The following EYA1 variants were observed in gnomAD, a reference collection of about 807,000 sequenced individuals.
The protein encoded by EYA1 is EYA transcriptional coactivator and phosphatase 1.
In EYA1, 16 loss-of-function variants were observed where a neutral mutation model predicts 82.0. That is an observed-to-expected ratio of 0.20 (90% CI 0.13 to 0.30). The LOEUF is 0.30. Ranked by LOEUF, EYA1 falls within the 10% of genes least tolerant of loss-of-function variation. EYA1 has a pLI of 1.00. For synonymous variants in EYA1, 261 were observed against 264.4 expected (o/e 0.99, Z 0.12); for missense variants, 633 against 730.7 (o/e 0.87, Z 1.54).
intron 11 of EYA1, among the ~76,000 whole-genome samples, chr8:71,256,954 A>ACT (rs777544674): frequency 6.6e-6 from 1 of 151,866 alleles, no homozygotes; most frequent in Non-Finnish European, 1.5e-5. Flanking sequence ...AGCTGAGATC[A>ACT]CTCCACTGCA....
intron 9 of EYA1, among the ~76,000 whole-genome samples, chr8:71,274,943 A>AGCAAGCGAGTGAACAAGC (rs1401774723): frequency 2.3e-4 from 35 of 152,254 alleles, no homozygotes; most frequent in African/African-American, 7.0e-4. Context: ...AGTGAACGAG[A>AGCAAGCGAGTGAACAAGC]GCAAGCGAGT....
chr8:71,226,154 G>A (rs1036271434), intron 12 of EYA1, among the ~76,000 whole-genome samples: 4 of 152,048 alleles, frequency 2.6e-5, no homozygotes, highest in Non-Finnish European at 4.4e-5. Flanking sequence ...CTAAGTAAAG[G>A]CTTCCAGGAT....
At chr8:71,521,201 T>C (rs1258218973) in intron 2 of EYA1, among the ~76,000 whole-genome samples, 1 of 152,062 alleles carries the variant, frequency 6.6e-6, no homozygotes, top group East Asian at 1.9e-4. Flanking sequence ...TATAGTAAAT[T>C]AATAATAATA....
At chr8:71,199,474 C>A (rs1806657076) in intron 17 of EYA1, 54 bp from the exon 18 acceptor site, 10 of 1,385,932 alleles carry the variant, frequency 7.2e-6, no homozygotes, top group African/African-American at 1.4e-5. Flanking sequence ...GCCAGCCCTG[C>A]CAGCTTTTTT....
intron 2 of EYA1, among the ~76,000 whole-genome samples, chr8:71,381,980 T>C (rs1185557050): frequency 6.6e-6 from 1 of 152,230 alleles, no homozygotes; most frequent in Admixed American, 6.5e-5. Context: ...AAATTTGTTT[T>C]ACATCAGGCT....
intron 2 of EYA1, among the ~76,000 whole-genome samples, chr8:71,444,394 A>G (rs1030183131): frequency 2.0e-5 from 3 of 152,252 alleles, no homozygotes; most frequent in African/African-American, 4.8e-5. Context: ...CGGAACCACA[A>G]ATGAAGTTAT....
At chr8:71,532,555 CAT>C (rs1200302581) in intron 2 of EYA1, among the ~76,000 whole-genome samples, 1 of 152,178 alleles carries the variant, frequency 6.6e-6, no homozygotes, top group Non-Finnish European at 1.5e-5. Flanking sequence ...AATAATAGCA[CAT>C]GTTGAGAGTT....
chr8:71,406,807 G>C (rs111346387), intron 2 of EYA1, among the ~76,000 whole-genome samples: 1 of 146,670 alleles, frequency 6.8e-6, no homozygotes, highest in South Asian at 2.3e-4. Flanking sequence ...AGGGGCGCCC[G>C]CCATTGCCCA....
chr8:71,327,032 C>A (rs371362858), intron 4 of EYA1, among the ~76,000 whole-genome samples: 1 of 152,186 alleles, frequency 6.6e-6, no homozygotes, highest in Non-Finnish European at 1.5e-5. Context: ...AAAAGAGACT[C>A]CCATTCATTC....
chr8:71,444,745 C>A (rs905624458), intron 2 of EYA1, among the ~76,000 whole-genome samples: 2 of 152,200 alleles, frequency 1.3e-5, no homozygotes, highest in African/African-American at 4.8e-5. Flanking sequence ...AACTTATAAA[C>A]ATATAAAGGG....
At chr8:71,270,797 C>G (rs1269277455) in intron 10 of EYA1, among the ~76,000 whole-genome samples, 2 of 152,204 alleles carry the variant, frequency 1.3e-5, no homozygotes, top group East Asian at 3.9e-4. Context: ...TTTCCTTTCT[C>G]AATATATATA....
intron 1 of EYA1, among the ~76,000 whole-genome samples, chr8:71,357,157 T>C (rs1826968941): frequency 6.6e-6 from 1 of 152,252 alleles, no homozygotes; most frequent in Admixed American, 6.5e-5. Flanking sequence ...TGTGCTCATT[T>C]ACCCTCGCCA....
At chr8:71,439,561 G>A (rs11781927) in intron 2 of EYA1, among the ~76,000 whole-genome samples, 54,473 of 152,126 alleles carry the variant, frequency 0.36, 10,564 homozygotes, top group African/African-American at 0.51. Flanking sequence ...AATTCATTCA[G>A]TAAACACTCA....
chr8:71,266,093 A>G (rs1348468058), intron 11 of EYA1, among the ~76,000 whole-genome samples: 1 of 152,154 alleles, frequency 6.6e-6, no homozygotes, highest in Non-Finnish European at 1.5e-5. Context: ...TGAATGGCCT[A>G]CTCATTGAGT....
intron 2 of EYA1, among the ~76,000 whole-genome samples, chr8:71,518,478 A>G (rs1813149651): frequency 6.6e-6 from 1 of 152,152 alleles, no homozygotes; most frequent in Non-Finnish European, 1.5e-5. Context: ...TCTGTCTGTC[A>G]TGTCTAGGAA....
chr8:71,412,959 C>T (rs1830685135), intron 2 of EYA1, among the ~76,000 whole-genome samples: 1 of 152,072 alleles, frequency 6.6e-6, no homozygotes, highest in Non-Finnish European at 1.5e-5. Context: ...ATAGGGAGTT[C>T]CAAGACTAAA....
At chr8:71,310,118 A>G (rs1371087985) in intron 7 of EYA1, among the ~76,000 whole-genome samples, 1 of 152,186 alleles carries the variant, frequency 6.6e-6, no homozygotes, top group African/African-American at 2.4e-5. Context: ...TGGGACGATA[A>G]AACACTCAGA....
At chr8:71,472,417 G>A (rs1809273924) in intron 2 of EYA1, among the ~76,000 whole-genome samples, 1 of 151,930 alleles carries the variant, frequency 6.6e-6, no homozygotes, top group African/African-American at 2.4e-5. Context: ...AAATTTCCTT[G>A]CTGTTTTGGG....
rs568114151 is a variant in EYA1, at chr8:71,328,502, T to C, written c.202+5595A>G. On this transcript the variant is annotated intron_variant, in intron 4 of 17. Coordinates refer to ENST00000340726, the MANE Select transcript of EYA1 (RefSeq NM_000503.6). Reference sequence around the variant, plus strand: ...CTTCAGCCTCTCCACCACCTACCCCTTCACCTTCAGCTAAGCCCTTCTCCA... The same window carrying C: ...CTTCAGCCTCTCCACCACCTACCCCCTCACCTTCAGCTAAGCCCTTCTCCA... Among the ~76,000 whole-genome samples the C allele has an allele frequency of 5.9e-5, 9 of 152,280 alleles. No individual in the cohort carries two copies. The East Asian group carries it at 1.5e-3, about 26-fold the overall frequency.
Sources: gnomAD v4.1 joint callset for allele counts (sites outside exome capture counted in the v4.1 genomes callset) on GRCh38, gnomAD v4.1.1 for gene constraint, MANE v1.5 for transcripts, NCBI Gene and HGNC (gene_info 2026-07-23, HGNC 2026-07-21) for gene names.